Variants in GLIS1 observed in about 807,000 individuals in gnomAD.
The protein encoded by GLIS1 is GLIS family zinc finger 1, also known as zinc finger protein GLIS1.
In GLIS1, 24 loss-of-function variants were observed where a neutral mutation model predicts 63.8. That is an observed-to-expected ratio of 0.38 (90% CI 0.27 to 0.53). GLIS1 has a LOEUF of 0.53. Ranked by LOEUF, GLIS1 falls within the 20% of genes least tolerant of loss-of-function variation. The probability of loss-of-function intolerance (pLI) is 0.85; values close to 1 mark genes in which losing one functional copy is unlikely to be tolerated. For synonymous variants in GLIS1, 450 were observed against 482.5 expected (o/e 0.93, Z 0.88); for missense variants, 1,036 against 1,074.1 (o/e 0.96, Z 0.50).
chr1:53,532,408 T>C (rs1429147705), intron 4 of GLIS1, among the ~76,000 whole-genome samples: 3 of 152,300 alleles, frequency 2.0e-5, no homozygotes, highest in South Asian at 2.1e-4. Flanking sequence ...GCCTGTCCCC[T>C]GGAAGCCCAG....
At chr1:53,562,035 T>A (rs865939404) in intron 4 of GLIS1, among the ~76,000 whole-genome samples, 8 of 152,044 alleles carry the variant, frequency 5.3e-5, no homozygotes, top group African/African-American at 1.9e-4. Context: ...ATGTTACCCA[T>A]GAAAAGAGGA....
rs1472466520 is a variant in GLIS1, at chr1:53,511,905, G to A, written c.1884-1878C>T. On this transcript the variant is annotated intron_variant, in intron 8 of 10. Transcript: ENST00000628545. The surrounding 1 kb of genome is among the most constrained non-coding windows in gnomAD (Gnocchi z 4.2). The stretch of plus-strand genomic sequence containing the variant: ...GTTTCCTGAAGCCCCTGTAGGGAGG[G>A]CCAGGTCTTGGCCCTTCTCGGTCAC... 1.3e-5 allele frequency among the ~76,000 whole-genome samples: 2 copies of A among 152,204 alleles called. No homozygotes were observed. The highest frequency in any genetic ancestry group is 4.8e-5 in the African/African-American group (2 of 41,448).
chr1:53,643,623 T>C, intron 2 of GLIS1, among the ~76,000 whole-genome samples: 1 of 152,204 alleles, frequency 6.6e-6, no homozygotes, highest in African/African-American at 2.4e-5. Context: ...TGTGGCTTAC[T>C]AGCTATGTGA....
intron 5 of GLIS1, among the ~76,000 whole-genome samples, chr1:53,528,441 TGA>T (rs923537268): frequency 2.0e-5 from 3 of 152,174 alleles, no homozygotes; most frequent in African/African-American, 7.2e-5. Flanking sequence ...TCAGTCTCTT[TGA>T]GTCTCAATTT....
At chr1:53,717,151 A>G (rs1311445006) in intron 2 of GLIS1, among the ~76,000 whole-genome samples, 1 of 152,222 alleles carries the variant, frequency 6.6e-6, no homozygotes, top group East Asian at 1.9e-4. Flanking sequence ...TTCAAATCCT[A>G]GACCTGCCAC....
intron 2 of GLIS1, among the ~76,000 whole-genome samples, chr1:53,691,412 G>C (rs138648270): frequency 6.6e-6 from 1 of 152,236 alleles, no homozygotes; most frequent in South Asian, 2.1e-4. Flanking sequence ...CTGGCCTTTT[G>C]CCTGTTGCCC....
chr1:53,559,887 T>C (rs567799284), intron 4 of GLIS1, among the ~76,000 whole-genome samples: 3 of 152,172 alleles, frequency 2.0e-5, no homozygotes, highest in African/African-American at 7.2e-5. Context: ...GTCATCTACA[T>C]AGTCTCTCAC....
chr1:53,570,100 T>C (rs1383891282), intron 4 of GLIS1, among the ~76,000 whole-genome samples: 4 of 152,058 alleles, frequency 2.6e-5, no homozygotes, highest in Non-Finnish European at 5.9e-5. Context: ...TGACCTCTTT[T>C]TCCTTTCTCT....
Position 53,687,617 on chromosome 1 carries a change from C to T in GLIS1, c.259+50189G>A, listed in dbSNP as rs574274954. On this transcript the variant is annotated intron_variant, in intron 2 of 10. Coordinates refer to ENST00000628545, the MANE Select transcript of GLIS1 (RefSeq NM_001367484.1). ...CCAAACCACAAGGTCTGCTTACATG[C>T]AATGGGTCCCCCCAGCTAGGAAGGG... Among the ~76,000 whole-genome samples the T allele has an allele frequency of 3.3e-5, 5 of 152,304 alleles. No individual in the cohort carries two copies. The East Asian group carries it at 9.7e-4, about 29-fold the overall frequency.
At chr1:53,694,268 T>C (rs932599010) in intron 2 of GLIS1, among the ~76,000 whole-genome samples, 1 of 150,474 alleles carries the variant, frequency 6.6e-6, no homozygotes, top group Non-Finnish European at 1.5e-5. Context: ...GGGGGAGGGG[T>C]GACAAGGAGA....
intron 2 of GLIS1, among the ~76,000 whole-genome samples, chr1:53,664,531 T>C (rs1418913329): frequency 6.6e-6 from 1 of 152,232 alleles, no homozygotes; most frequent in Non-Finnish European, 1.5e-5. Context: ...AAGTTCTAAG[T>C]AGTTTTCATT....
chr1:53,704,313 T>C (rs1326892670), intron 2 of GLIS1, among the ~76,000 whole-genome samples: 1 of 152,228 alleles, frequency 6.6e-6, no homozygotes, highest in Admixed American at 6.5e-5. Flanking sequence ...AACCAATTTA[T>C]GGCAGGAATA....
At chr1:53,542,470 G>T (rs934550535) in intron 4 of GLIS1, among the ~76,000 whole-genome samples, 5 of 152,204 alleles carry the variant, frequency 3.3e-5, no homozygotes, top group Non-Finnish European at 7.3e-5. Context: ...ATCTGTTAAT[G>T]AATGAAAGAA....
chr1:53,662,407 T>C (rs989990907), intron 2 of GLIS1, among the ~76,000 whole-genome samples: 6 of 152,176 alleles, frequency 3.9e-5, no homozygotes, highest in Non-Finnish European at 7.3e-5. Flanking sequence ...ACGCACTTTG[T>C]AAAATGTAAA....
chr1:53,564,046 G>A lies in GLIS1; in HGVS notation c.1320+30062C>T, dbSNP rs184104218. Among the ~76,000 whole-genome samples, 8 of 152,300 alleles carry A rather than the reference G, an allele frequency of 5.3e-5. No homozygotes were observed. In the East Asian group the frequency reaches 1.5e-3, roughly 29 times the overall value. ...GAAGGAAGATGATCCCAGAAGAAAG[G>A]TATAAAATGTATAAAAACTAATGAT... On this transcript the variant is annotated intron_variant, in intron 4 of 10. Coordinates refer to ENST00000628545, the MANE Select transcript of GLIS1 (RefSeq NM_001367484.1).
intron 4 of GLIS1, among the ~76,000 whole-genome samples, chr1:53,555,759 GTGTGTGTGCAGGTGTACTGTAGGTA>G (rs1644813039): frequency 1.3e-5 from 2 of 151,684 alleles, no homozygotes; most frequent in Admixed American, 6.6e-5. Context: ...TACTGCAGGT[GTGTGTGTGCAGGTGTACTGTAGGTA>G]TGTGTGTGCA....
intron 2 of GLIS1, among the ~76,000 whole-genome samples, chr1:53,610,984 AT>A (rs1227241593): frequency 1.3e-5 from 2 of 151,264 alleles, no homozygotes; most frequent in African/African-American, 4.9e-5. Flanking sequence ...CTGTTACTAT[AT>A]TTTTTCATTT....
At chr1:53,596,781 AG>A (rs1645259783) in intron 3 of GLIS1, among the ~76,000 whole-genome samples, 1 of 152,140 alleles carries the variant, frequency 6.6e-6, no homozygotes, top group Non-Finnish European at 1.5e-5. Flanking sequence ...GCTCCCTGGA[AG>A]GGAGCTGCTG....
At chr1:53,726,483 C>T (rs957793759) in intron 2 of GLIS1, among the ~76,000 whole-genome samples, 1 of 152,130 alleles carries the variant, frequency 6.6e-6, no homozygotes, top group Non-Finnish European at 1.5e-5. Context: ...GTAGTCCTGG[C>T]ATCTTAGGTT....
Sources: allele counts gnomAD v4.1 joint callset (sites outside exome capture counted in the v4.1 genomes callset), GRCh38; gene constraint gnomAD v4.1.1; non-coding constraint Gnocchi (gnomAD v3.1); transcripts MANE v1.5; gene names NCBI Gene and HGNC (gene_info 2026-07-23, HGNC 2026-07-21).